Variants in ZNF18 observed in about 807,000 individuals in gnomAD.
The protein encoded by ZNF18 is zinc finger protein 18, also known as heart development-specific gene 1 protein.
A neutral mutation model predicts 58.1 loss-of-function variants in ZNF18; 42 were observed. That is an observed-to-expected ratio of 0.72 (90% CI 0.56 to 0.93). ZNF18 has a LOEUF of 0.93. Ranked by LOEUF, ZNF18 falls within the 40% of genes least tolerant of loss-of-function variation. The pLI is 0.00. For missense variants in ZNF18, 540 were observed against 644.2 expected, an observed-to-expected ratio of 0.84 and a Z score of 1.75; for synonymous variants, 231 against 239.8, an observed-to-expected ratio of 0.96 and a Z score of 0.34.
chr17:11,978,602 T>A lies in ZNF18; in HGVS notation c.1005A>T (p.Gly335=). Residue 335 remains glycine, a synonymous_variant, in exon 7 of 7, where the codon GGA becomes GGT. Coordinates refer to ENST00000580306, the MANE Select transcript of ZNF18 (RefSeq NM_001303281.2). ...LRGFFTEDEP[G]CFGEGENLPE... is the part of the protein sequence containing the mutation. ...GGAGATTCTCTCCTTCTCCAAAGCA[T>A]CCTGGCTCATCCTCAGTGAAGAAGC... 2.5e-6 allele frequency: 4 copies of A among 1,614,062 alleles called. No homozygotes were observed. The highest frequency in any genetic ancestry group is 1.1e-5 in the South Asian group (1 of 91,080).
chr17:12,000,752 A>G (rs1968642298), upstream of ZNF18, among the ~76,000 whole-genome samples: 1 of 152,166 alleles, frequency 6.6e-6, no homozygotes, highest in Non-Finnish European at 1.5e-5. Flanking sequence ...ATCATCAACT[A>G]ATCAAATGCC....
chr17:11,987,141 T>TTGGATTTGATG (rs772594537), intron 4 of ZNF18, among the ~76,000 whole-genome samples: 4 of 152,238 alleles, frequency 2.6e-5, no homozygotes, highest in Non-Finnish European at 5.9e-5. Context: ...TCTATTTTTG[T>TTGGATTTGATG]GTGGAACTGG....
rs1201531062 is a variant in ZNF18, at chr17:11,977,444, T to C, written c.*513A>G. The C allele has an allele frequency of 1.3e-5, 2 of 153,462 alleles. No homozygotes were observed. Among genetic ancestry groups the C allele is most frequent in the Non-Finnish European group, 2.9e-5 (2 of 68,950 alleles). 9.5% of individuals were successfully genotyped at this position (153,462 alleles called of 1,614,324 possible). ...ACACACAGTGAACAAACAAATAAGA[T>C]AGAAAGTGACTCTGCTAAGTTTATT... On this transcript the variant is annotated 3_prime_UTR_variant, in exon 7 of 7. Transcript: ENST00000580306.
chr17:11,991,799 A>G (rs947880175), intron 2 of ZNF18, among the ~76,000 whole-genome samples: 15 of 152,126 alleles, frequency 9.9e-5, no homozygotes, highest in Non-Finnish European at 2.1e-4. Context: ...TGGAACTTTC[A>G]GTATCTCCAC....
chr17:12,000,928 C>T (rs190234791), upstream of ZNF18, among the ~76,000 whole-genome samples: 31 of 152,226 alleles, frequency 2.0e-4, no homozygotes, highest in Admixed American at 1.3e-3. Flanking sequence ...ATAGACAAGT[C>T]ATTCAAGAAG....
In ZNF18 at chr17:11,990,562, A is replaced by C; in HGVS notation, c.578-12T>G. The C allele has an allele frequency of 6.2e-7, 1 of 1,603,476 alleles. No homozygotes were observed. The highest frequency in any genetic ancestry group is 1.3e-5 in the African/African-American group (1 of 74,988). On this transcript the variant is annotated splice_polypyrimidine_tract_variant and intron_variant, in intron 3 of 6. Coordinates refer to ENST00000580306, the MANE Select transcript of ZNF18 (RefSeq NM_001303281.2). ...GGAGGCAGCCAGGGCTGAAGTGAGG[A>C]GAGGAAGTTTTCAGAATCTGGATGT...
At chr17:12,013,925 G>T in the ZNF18 span, among the ~76,000 whole-genome samples, 1 of 152,184 alleles carries the variant, frequency 6.6e-6, no homozygotes, top group Admixed American at 6.5e-5. Flanking sequence ...AGCTTTGATT[G>T]GTTGAATTTG....
Position 11,983,408 on chromosome 17 carries a change from C to T in ZNF18, c.752-1G>A, listed in dbSNP as rs1249347871. 6.2e-7 allele frequency: 1 copy of T among 1,611,818 alleles called. No individual in the cohort carries two copies. The highest frequency in any genetic ancestry group is 8.5e-7 in the Non-Finnish European group (1 of 1,178,000). ...TCAGATTTGGGATGGGAAATGCCTG[C>T]TATAGAGAGAAAGATGTATGGTGGG... On this transcript the variant is annotated splice_acceptor_variant, in intron 5 of 6. Coordinates refer to ENST00000580306, the MANE Select transcript of ZNF18 (RefSeq NM_001303281.2). LOFTEE classifies it high-confidence loss of function.
intron 2 of ZNF18, 99 bp downstream of exon 2, chr17:11,992,344 T>C (rs1004943253): frequency 6.8e-6 from 10 of 1,472,202 alleles, no homozygotes; most frequent in Admixed American, 2.2e-5. Context: ...GCCCCACCCA[T>C]TTTGTGTCAT....
At chr17:12,019,291 T>C in the ZNF18 span, among the ~76,000 whole-genome samples, 1,328 of 98,778 alleles carry the variant, frequency 0.013, 22 homozygotes, top group African/African-American at 0.046. Flanking sequence ...TTTATAATAT[T>C]GGATGTGTGT....
At chr17:12,009,673 G>A in the ZNF18 span, among the ~76,000 whole-genome samples, 1 of 151,802 alleles carries the variant, frequency 6.6e-6, no homozygotes, top group Admixed American at 6.6e-5. Flanking sequence ...GGCTGGTGTC[G>A]AACCCCTGAC....
intron 1 of ZNF18, among the ~76,000 whole-genome samples, chr17:11,996,069 A>C (rs559340225): frequency 3.0e-4 from 46 of 152,278 alleles, no homozygotes; most frequent in African/African-American, 1.0e-3. Context: ...AATAACAATA[A>C]CTAGAAAATC....
At chr17:12,020,826 G>C in the ZNF18 span, 10 of 783,560 alleles carry the variant, frequency 1.3e-5, no homozygotes, top group Admixed American at 4.4e-5. Context: ...TCGGCCGTGC[G>C]AGAGGCCGAG....
the ZNF18 span, among the ~76,000 whole-genome samples, chr17:12,019,884 G>A: frequency 3.3e-5 from 5 of 152,220 alleles, no homozygotes; most frequent in African/African-American, 4.8e-5. Flanking sequence ...TGGGAAGTAG[G>A]ATAACTGGCT....
intron 4 of ZNF18, among the ~76,000 whole-genome samples, chr17:11,987,035 A>G (rs905246681): frequency 6.6e-6 from 1 of 152,246 alleles, no homozygotes; most frequent in South Asian, 2.1e-4. Flanking sequence ...CAAGACGCCA[A>G]TGGCAGCCAG....
At chr17:11,979,335 T>C (rs946812576) in intron 6 of ZNF18, among the ~76,000 whole-genome samples, 2 of 152,236 alleles carry the variant, frequency 1.3e-5, no homozygotes, top group African/African-American at 4.8e-5. Flanking sequence ...GAGCATTTAA[T>C]TGTGAATGGT....
chr17:12,012,977 G>C, the ZNF18 span, among the ~76,000 whole-genome samples: 12 of 147,798 alleles, frequency 8.1e-5, no homozygotes, highest in Non-Finnish European at 1.8e-4. Flanking sequence ...TTTTGAGACA[G>C]AGTCTTGATC....
At chr17:12,021,329 C>T in the ZNF18 span, 1 of 169,840 alleles carries the variant, frequency 5.9e-6, no homozygotes, top group Non-Finnish European at 1.2e-5. Flanking sequence ...TTACCTGGCG[C>T]CCGCCCGGCC....
chr17:11,978,632 C>T lies in ZNF18; in HGVS notation c.975G>A (p.Leu325=), dbSNP rs9915342. ...GCTCATCCTCAGTGAAGAAGCCCCT[C>T]AAGGAAGCCTGAGAAGGAACCTCTC... ...ASGEVPSQAS[L]RGFFTEDEPG... Residue 325 remains leucine (L), a synonymous_variant, in exon 7 of 7, where the codon TTG becomes TTA. Coordinates refer to ENST00000580306, the MANE Select transcript of ZNF18 (RefSeq NM_001303281.2). 4.0e-4 allele frequency: 641 copies of T among 1,614,014 alleles called. 2 individuals are homozygous for T. In the African/African-American group the frequency reaches 7.2e-3, roughly 18 times the overall value.
Sources: gnomAD v4.1 joint callset for allele counts (sites outside exome capture counted in the v4.1 genomes callset) on GRCh38, gnomAD v4.1.1 for gene constraint, MANE v1.5 for transcripts, NCBI Gene and HGNC (gene_info 2026-07-23, HGNC 2026-07-21) for gene names.